The following CCSER1 variants were observed in gnomAD, a reference collection of about 807,000 sequenced individuals.
CCSER1 encodes coiled-coil serine rich protein 1.
Under a neutral mutation model 82.0 loss-of-function variants are expected in CCSER1, and 41 were observed. The observed-to-expected ratio is 0.50, with a 90% CI of 0.39 to 0.65. The LOEUF (loss-of-function observed/expected upper bound fraction) is 0.65. Among genes scored for constraint, CCSER1 ranks in the 30% least tolerant of loss-of-function variants. The probability of loss-of-function intolerance (pLI) is 0.00; values close to 1 mark genes in which losing one functional copy is unlikely to be tolerated. For synonymous variants in CCSER1, 414 were observed against 383.9 expected (o/e 1.08, Z -0.92); for missense variants, 1,119 against 1,064.2 (o/e 1.05, Z -0.72).
chr4:91,117,271 A>G (rs1726699527), intron 10 of CCSER1, among the ~76,000 whole-genome samples: 1 of 152,196 alleles, frequency 6.6e-6, no homozygotes, highest in Non-Finnish European at 1.5e-5. Context: ...ATGATCATTG[A>G]ATGTGAGGAC....
At chr4:91,300,420 A>C (rs979450608) in intron 10 of CCSER1, among the ~76,000 whole-genome samples, 2 of 151,868 alleles carry the variant, frequency 1.3e-5, no homozygotes, top group African/African-American at 4.8e-5. Flanking sequence ...AGTGAAAATG[A>C]AGCCACTATC....
chr4:90,401,999 T>G (rs1406315815), intron 4 of CCSER1, among the ~76,000 whole-genome samples: 1 of 152,208 alleles, frequency 6.6e-6, no homozygotes, highest in Non-Finnish European at 1.5e-5. Flanking sequence ...GCACAACCTC[T>G]GAAGTGTTCG....
chr4:90,523,481 A>G (rs1773382001), intron 5 of CCSER1, among the ~76,000 whole-genome samples: 1 of 152,194 alleles, frequency 6.6e-6, no homozygotes, highest in Non-Finnish European at 1.5e-5. Context: ...AATAAAGGAT[A>G]ATATTTTCAC....
intron 10 of CCSER1, among the ~76,000 whole-genome samples, chr4:91,205,266 GTATT>G (rs1322394899): frequency 1.3e-5 from 2 of 151,674 alleles, no homozygotes; most frequent in Non-Finnish European, 3.0e-5. Flanking sequence ...TCATTAAAAA[GTATT>G]TAAGCTGTGT....
At chr4:91,253,471 A>C (rs546124996) in intron 10 of CCSER1, among the ~76,000 whole-genome samples, 2 of 152,180 alleles carry the variant, frequency 1.3e-5, no homozygotes, top group Admixed American at 1.3e-4. Flanking sequence ...TCGTGGGTAA[A>C]ATGTATATGC....
At chr4:90,888,431 C>T (rs1017246511) in intron 8 of CCSER1, among the ~76,000 whole-genome samples, 7 of 151,958 alleles carry the variant, frequency 4.6e-5, no homozygotes, top group African/African-American at 1.7e-4. Flanking sequence ...GGCAATAAAA[C>T]AAATTCAGAG....
intron 1 of CCSER1, among the ~76,000 whole-genome samples, chr4:90,251,271 A>C (rs1722328874): frequency 6.6e-6 from 1 of 151,924 alleles, no homozygotes; most frequent in Non-Finnish European, 1.5e-5. Flanking sequence ...TATAATAATG[A>C]ATAAATATGA....
chr4:91,571,873 T>C (rs1578821582), intron 10 of CCSER1, among the ~76,000 whole-genome samples: 1 of 152,216 alleles, frequency 6.6e-6, no homozygotes, highest in Admixed American at 6.5e-5. Flanking sequence ...AGACTCGTGG[T>C]GTGTGACCCA....
chr4:91,401,418 C>A (rs980042316), intron 10 of CCSER1, among the ~76,000 whole-genome samples: 2 of 149,144 alleles, frequency 1.3e-5, no homozygotes, highest in African/African-American at 4.9e-5. Context: ...TTTTATTATA[C>A]TTTAAGTTCT....
At chr4:91,297,397 G>GTGTGTGTGTGTGTGTGTGTATGTGTGTA (rs1744294781) in intron 10 of CCSER1, among the ~76,000 whole-genome samples, 1 of 149,130 alleles carries the variant, frequency 6.7e-6, no homozygotes, top group African/African-American at 2.4e-5. Context: ...GTGTGTGTGT[G>GTGTGTGTGTGTGTGTGTGTATGTGTGTA]TGTGTGTGTG....
At chr4:90,694,359 A>G (rs1278162048) in intron 6 of CCSER1, among the ~76,000 whole-genome samples, 1 of 152,026 alleles carries the variant, frequency 6.6e-6, no homozygotes, top group Non-Finnish European at 1.5e-5. Context: ...TTCTTGTGCT[A>G]TGGACTTTTT....
In CCSER1 at chr4:90,403,726, A is replaced by G. The variant is rs142710021; in HGVS notation, c.1603+3597A>G. Among the ~76,000 whole-genome samples, 4 of 152,266 alleles carry G rather than the reference A, an allele frequency of 2.6e-5. 1 individual carries two copies. The highest frequency in any genetic ancestry group is 2.6e-4 in the Admixed American group (4 of 15,298). On this transcript the variant is annotated intron_variant, in intron 4 of 10. Coordinates refer to ENST00000509176, the MANE Select transcript of CCSER1 (RefSeq NM_001145065.2). The stretch of plus-strand genomic sequence containing the variant: ...GTTGAAAAAATACTTCTTAAAGACA[A>G]TGCATATGAATTTTTGGCTACAGAG...
intron 6 of CCSER1, among the ~76,000 whole-genome samples, chr4:90,634,465 G>A (rs554687260): frequency 6.6e-6 from 1 of 151,358 alleles, no homozygotes; most frequent in South Asian, 2.1e-4. Flanking sequence ...AGCGTAATTT[G>A]CAATTACATT....
chr4:90,788,761 C>G, intron 7 of CCSER1, among the ~76,000 whole-genome samples: 1 of 152,162 alleles, frequency 6.6e-6, no homozygotes, highest in Non-Finnish European at 1.5e-5. Context: ...CATTAACAAT[C>G]AATTACATAG....
At chr4:90,654,976 A>C in intron 6 of CCSER1, among the ~76,000 whole-genome samples, 1 of 152,082 alleles carries the variant, frequency 6.6e-6, no homozygotes, top group Non-Finnish European at 1.5e-5. Context: ...AAATATTATC[A>C]AAATATTATT....
chr4:91,260,765 T>TA (rs1251966015), intron 10 of CCSER1, among the ~76,000 whole-genome samples: 2 of 150,832 alleles, frequency 1.3e-5, no homozygotes, highest in African/African-American at 4.9e-5. Context: ...TTTATTTATT[T>TA]TTTTATTTTT....
chr4:90,409,352 A>T (rs1219121932), intron 4 of CCSER1, among the ~76,000 whole-genome samples: 6 of 152,240 alleles, frequency 3.9e-5, no homozygotes, highest in African/African-American at 1.4e-4. Context: ...GTGGAAATGA[A>T]GGAAAAAATG....
Position 91,601,216 on chromosome 4 carries a change from TAGA to T in CCSER1, c.*2163_*2165del. The T allele has an allele frequency of 6.6e-6, 1 of 152,258 alleles. No homozygotes were observed. Among genetic ancestry groups the T allele is most frequent in the East Asian group, 1.9e-4 (1 of 5,176 alleles). 9.4% of individuals were successfully genotyped at this position (152,258 alleles called of 1,614,324 possible). The stretch of plus-strand genomic sequence containing the variant: ...ATACTTTATAAAAATAATCTATTTA[TAGA>T]AGATCTGTCATTTAATAGACATTTT... On this transcript the variant is annotated 3_prime_UTR_variant, in exon 11 of 11. Coordinates refer to ENST00000509176, the MANE Select transcript of CCSER1 (RefSeq NM_001145065.2).
intron 10 of CCSER1, among the ~76,000 whole-genome samples, chr4:91,484,612 T>A (rs1208387331): frequency 3.9e-5 from 6 of 152,214 alleles, no homozygotes; most frequent in Non-Finnish European, 8.8e-5. Flanking sequence ...ATGATTTATA[T>A]AATTTATGAA....
Sources: gnomAD v4.1 joint callset for allele counts (sites outside exome capture counted in the v4.1 genomes callset) on GRCh38, gnomAD v4.1.1 for gene constraint, MANE v1.5 for transcripts, NCBI Gene and HGNC (gene_info 2026-07-23, HGNC 2026-07-21) for gene names.